Variants in PELP1 observed in about 807,000 individuals in gnomAD.
PELP1 encodes proline-, glutamic acid- and leucine-rich protein 1.
A neutral mutation model predicts 95.5 loss-of-function variants in PELP1; 32 were observed. The observed-to-expected ratio is 0.34, with a 90% confidence interval of 0.25 to 0.45. PELP1 has a LOEUF of 0.45. Ranked by LOEUF, PELP1 falls within the 20% of genes least tolerant of loss-of-function variation. The probability of loss-of-function intolerance (pLI) is 1.00; values close to 1 mark genes in which losing one functional copy is unlikely to be tolerated. For missense variants in PELP1, 1,358 were observed against 1,444.8 expected (o/e 0.94, Z 0.97); for synonymous variants, 668 against 600.1 (o/e 1.11, Z -1.65).
chr17:4,688,680 T>C (rs1276712003), intron 3 of PELP1, among the ~76,000 whole-genome samples: 13 of 152,148 alleles, frequency 8.5e-5, no homozygotes, highest in Non-Finnish European at 1.5e-4. Context: ...TACAAAACAC[T>C]GCTGAAAGAA....
chr17:4,672,618 C>T lies in PELP1; in HGVS notation c.2373G>A (p.Val791=). The T allele has an allele frequency of 6.2e-7, 1 of 1,609,848 alleles. No individual in the cohort carries two copies. The highest frequency in any genetic ancestry group is 1.1e-5 in the South Asian group (1 of 90,896). Residue 791 remains valine (V), a synonymous_variant, in exon 16 of 17, where the codon GTG becomes GTA. Coordinates refer to ENST00000572293, the MANE Select transcript of PELP1 (RefSeq NM_014389.3). ...GTGGCAGGGGGGGAAGCCCCTCGGG[C>T]ACGATCACCACGCTGTCATCAGAGT... ...ESDSDDSVVI[V]PEGLPPLPPP...
chr17:4,681,179 G>C (rs1398572764), intron 5 of PELP1, among the ~76,000 whole-genome samples: 1 of 152,174 alleles, frequency 6.6e-6, no homozygotes, highest in Non-Finnish European at 1.5e-5. Context: ...AAAATTACAA[G>C]ACCTTCAAGA....
At chr17:4,699,858 A>G (rs1013526942) in intron 1 of PELP1, among the ~76,000 whole-genome samples, 7 of 147,902 alleles carry the variant, frequency 4.7e-5, no homozygotes, top group Admixed American at 4.7e-4. Context: ...AAGTGCTGGG[A>G]TTACAGATGT....
At chr17:4,695,368 A>G (rs1159858214) in intron 1 of PELP1, among the ~76,000 whole-genome samples, 1 of 151,848 alleles carries the variant, frequency 6.6e-6, no homozygotes, top group Admixed American at 6.6e-5. Flanking sequence ...TTTGTGAATT[A>G]TTTCTCAATA....
intron 3 of PELP1, 23 bp from the exon 4 acceptor site, chr17:4,682,975 G>T: frequency 6.9e-7 from 1 of 1,456,152 alleles, no homozygotes; most frequent in African/African-American, 1.4e-5. Flanking sequence ...ATAATGTCTC[G>T]TGCTTCCAGC....
At chr17:4,689,022 G>A (rs1454174710) in intron 3 of PELP1, among the ~76,000 whole-genome samples, 1 of 152,098 alleles carries the variant, frequency 6.6e-6, no homozygotes, top group African/African-American at 2.4e-5. Context: ...GGAACAGAAG[G>A]GAGAACCCAG....
intron 1 of PELP1, among the ~76,000 whole-genome samples, chr17:4,698,430 C>T (rs1028859105): frequency 2.0e-5 from 3 of 150,030 alleles, no homozygotes; most frequent in African/African-American, 7.3e-5. Flanking sequence ...GTCAGGAGTT[C>T]GAGACCAGCC....
At chr17:4,682,768 G>A (rs1173885541) in intron 4 of PELP1, 35 bp downstream of exon 4, 1 of 1,538,164 alleles carries the variant, frequency 6.5e-7, no homozygotes, top group Non-Finnish European at 8.7e-7. Context: ...AGGACTGCGG[G>A]GGGCCATGGG....
At chr17:4,693,330 C>T (rs903998296) in intron 1 of PELP1, among the ~76,000 whole-genome samples, 12 of 152,322 alleles carry the variant, frequency 7.9e-5, no homozygotes, top group Admixed American at 3.3e-4. Context: ...AGTGCAGCAG[C>T]GCCCCCTTAT....
At chr17:4,686,757 A>T (rs1022341739) in intron 3 of PELP1, among the ~76,000 whole-genome samples, 2 of 152,126 alleles carry the variant, frequency 1.3e-5, no homozygotes, top group Non-Finnish European at 2.9e-5. Flanking sequence ...ACCTCAGGTG[A>T]TCCGCCCACC....
intron 3 of PELP1, 80 bp downstream of exon 3, chr17:4,690,808 G>A: frequency 1.1e-6 from 1 of 874,692 alleles, no homozygotes. Flanking sequence ...ACATGTCCAA[G>A]TTGAAAAGAA....
chr17:4,678,086 C>A (rs1912558113), intron 5 of PELP1, among the ~76,000 whole-genome samples: 1 of 150,588 alleles, frequency 6.6e-6, no homozygotes, highest in South Asian at 2.1e-4. Flanking sequence ...CAGTGGTGGG[C>A]ACCTGTAATC....
Position 4,671,971 on chromosome 17 carries a change from A to G in PELP1, c.3020T>C (p.Leu1007Ser). 6.5e-7 allele frequency: 1 copy of G among 1,540,978 alleles called. No homozygotes were observed. Residue 1007 changes from leucine to serine, a missense_variant, in exon 16 of 17, where the codon TTG (leucine) becomes TCG (serine). By Grantham distance (145) the Leu-to-Ser change is moderately radical (BLOSUM62 -2). Transcript: ENST00000572293. ...CTCCGTCCCTGGCTCCTCCACTTCC[A>G]AAAGCAGCCCGGGTTCAGGTTCGGG... Reference protein sequence around the residue: ...PEPEPEPGLLLEVEEPGTEEE... With the variant: ...PEPEPEPGLLSEVEEPGTEEE...
intron 1 of PELP1, among the ~76,000 whole-genome samples, chr17:4,702,412 T>C (rs748377676): frequency 1.3e-5 from 2 of 151,662 alleles, no homozygotes; most frequent in African/African-American, 2.4e-5. Context: ...GAGTAAGACC[T>C]TGTCTCAAAA....
At position 4,672,565 on chromosome 17, in the gene PELP1, G is replaced by T; in HGVS notation, c.2426C>A (p.Pro809His). 1 of 1,579,658 alleles carries T rather than the reference G, an allele frequency of 6.3e-7. No homozygotes were observed. Among genetic ancestry groups the T allele is most frequent in the Non-Finnish European group, 8.6e-7 (1 of 1,157,308 alleles). Residue 809 changes from proline (P) to histidine (H), a missense_variant, in exon 16 of 17, where the codon CCC becomes CAC. This residue lies in a region of PELP1 where 340 missense variants were observed against 322.9 expected (regional missense o/e 1.05). Transcript: ENST00000572293. ...TGGTGGCCCAGTGGGGGCTATAGGGGGTGGTGTGGCACCTGAGGGTGGTGG... is the reference window on the plus strand; with the variant it reads ...TGGTGGCCCAGTGGGGGCTATAGGGTGTGGTGTGGCACCTGAGGGTGGTGG... ...PPPPPSGATP[P>H]PIAPTGPPTA...
At chr17:4,683,389 T>G (rs1172286825) in intron 3 of PELP1, among the ~76,000 whole-genome samples, 3 of 151,556 alleles carry the variant, frequency 2.0e-5, no homozygotes, top group Non-Finnish European at 4.4e-5. Flanking sequence ...CCTGACTAAT[T>G]TTTTGTATTT....
At position 4,673,463 on chromosome 17, in the gene PELP1, AG is replaced by A. The variant is rs756009310; in HGVS notation, c.1639-8del. ...GGACCAGGTCATGCAGTCTCTGAAA[AG>A]GACAGAGCACACCTGGAAACATCCC... On this transcript the variant is annotated splice_region_variant and splice_polypyrimidine_tract_variant and intron_variant, in intron 14 of 16. Transcript: ENST00000572293. The surrounding 1 kb of genome is among the most constrained non-coding windows in gnomAD (Gnocchi z 5.7). 34 of 1,586,378 alleles carry A rather than the reference AG, an allele frequency of 2.1e-5. No homozygotes were observed. The highest frequency in any genetic ancestry group is 2.7e-5 in the Non-Finnish European group (32 of 1,165,682).
At chr17:4,684,837 A>C (rs1333581985) in intron 3 of PELP1, among the ~76,000 whole-genome samples, 1 of 152,116 alleles carries the variant, frequency 6.6e-6, no homozygotes, top group East Asian at 1.9e-4. Flanking sequence ...CCTAGCTGGG[A>C]TTACAGGCAC....
At chr17:4,687,401 A>G (rs568029384) in intron 3 of PELP1, among the ~76,000 whole-genome samples, 294 of 151,726 alleles carry the variant, frequency 1.9e-3, no homozygotes, top group Non-Finnish European at 3.4e-3. Context: ...AAAATTAGCC[A>G]AGTGTGGTGG....
Sources: allele counts gnomAD v4.1 joint callset (sites outside exome capture counted in the v4.1 genomes callset), GRCh38; gene constraint gnomAD v4.1.1; regional missense constraint gnomAD v4.1.1; non-coding constraint Gnocchi (gnomAD v3.1); transcripts MANE v1.5; gene names NCBI Gene and HGNC (gene_info 2026-07-23, HGNC 2026-07-21).